The following NIPA1 variants were observed in gnomAD, a reference collection of about 807,000 sequenced individuals.
NIPA1 encodes NIPA magnesium transporter 1, also known as magnesium transporter NIPA1.
In NIPA1, 13 loss-of-function variants were observed where a neutral mutation model predicts 23.9. The observed-to-expected ratio is 0.54, with a 90% confidence interval of 0.35 to 0.87. The LOEUF is 0.87. Ranked by LOEUF, NIPA1 falls within the 40% of genes least tolerant of loss-of-function variation. The pLI is 0.01. For synonymous variants in NIPA1, 234 were observed against 202.9 expected (o/e 1.15, Z -1.30); for missense variants, 362 against 429.7 (o/e 0.84, Z 1.39).
intron 1 of NIPA1, among the ~76,000 whole-genome samples, chr15:22,807,232 C>A (rs569283986): frequency 1.4e-4 from 22 of 152,252 alleles, no homozygotes; most frequent in Non-Finnish European, 2.6e-4. Flanking sequence ...ATTTTATAAA[C>A]TGCCAAAAAC....
chr15:22,827,555 T>C lies in NIPA1; in HGVS notation c.*3316T>C, dbSNP rs527532188. On this transcript the variant is annotated 3_prime_UTR_variant, in exon 5 of 5. Transcript: ENST00000337435. ...AGTGAATATACTTCGCAGCTCTTTG[T>C]TCAGCAATAAGGAATATTCTTTCAA... The C allele has an allele frequency of 5.9e-5, 9 of 152,314 alleles. No homozygotes were observed. Among genetic ancestry groups the C allele is most frequent in the Non-Finnish European group, 1.3e-4 (9 of 68,024 alleles). The allele number at this position is 152,314 out of a possible 1,614,324, so 9.4% of individuals were successfully genotyped here.
In NIPA1 at chr15:22,826,254, G is replaced by C. The variant is rs886051000; in HGVS notation, c.*2015G>C. 4.0e-5 allele frequency: 6 copies of C among 150,186 alleles called. No homozygotes were observed. Among genetic ancestry groups the C allele is most frequent in the Non-Finnish European group, 8.9e-5 (6 of 67,640 alleles). The allele number at this position is 150,186 out of a possible 1,614,324, so 9.3% of individuals were successfully genotyped here. ...ATGGGTTGTCAGTGATTTGTGAACTGAGAGCAGCAACAACATTATTTTTTA... is the reference window on the plus strand; with the variant it reads ...ATGGGTTGTCAGTGATTTGTGAACTCAGAGCAGCAACAACATTATTTTTTA... On this transcript the variant is annotated 3_prime_UTR_variant, in exon 5 of 5. Coordinates refer to ENST00000337435, the MANE Select transcript of NIPA1 (RefSeq NM_144599.5).
At chr15:22,787,584 C>T (rs1315745732) in intron 1 of NIPA1, among the ~76,000 whole-genome samples, 1 of 152,198 alleles carries the variant, frequency 6.6e-6, no homozygotes, top group Admixed American at 6.5e-5. Flanking sequence ...GGGTAGAGCT[C>T]TCTGTCAGTG....
chr15:22,809,743 T>TG (rs1481440379), intron 1 of NIPA1, among the ~76,000 whole-genome samples: 41 of 99,962 alleles, frequency 4.1e-4, no homozygotes, highest in African/African-American at 1.9e-3. Flanking sequence ...AGACTCTGTC[T>TG]GAAAAAAAAA....
chr15:22,817,465 C>T (rs1395408150), intron 3 of NIPA1, among the ~76,000 whole-genome samples: 1 of 147,372 alleles, frequency 6.8e-6, no homozygotes, highest in Non-Finnish European at 1.5e-5. Flanking sequence ...GGCCATTGCA[C>T]TCCAGCCTGG....
chr15:22,801,061 T>G, intron 1 of NIPA1, among the ~76,000 whole-genome samples: 1 of 132,144 alleles, frequency 7.6e-6, no homozygotes, highest in African/African-American at 3.0e-5. Context: ...GTGACAAGAG[T>G]AAAACTCCAG....
intron 1 of NIPA1, among the ~76,000 whole-genome samples, chr15:22,802,486 C>A (rs764155280): frequency 6.6e-6 from 1 of 151,454 alleles, no homozygotes; most frequent in African/African-American, 2.4e-5. Context: ...CATGAGTGCA[C>A]GAATAAGTGT....
rs1206327395 is a variant in NIPA1, at chr15:22,798,835, C to CAAAAAAA, written c.179-11893_179-11887dup. ...TGGGCGACAGAGCGAGACTCCGTCTCAAAAAAAAAAAAAAAAAAAAAAAAA... is the reference window on the plus strand; with the variant it reads ...TGGGCGACAGAGCGAGACTCCGTCTCAAAAAAAAAAAAAAAAAAAAAAAAAAAAAAAA... On this transcript the variant is annotated intron_variant, in intron 1 of 4. Coordinates refer to ENST00000337435, the MANE Select transcript of NIPA1 (RefSeq NM_144599.5). 4.1e-5 allele frequency among the ~76,000 whole-genome samples: 3 copies of CAAAAAAA among 73,108 alleles called. 1 individual carries two copies. The highest frequency in any genetic ancestry group is 1.2e-4 in the African/African-American group (2 of 16,836). The allele number at this position is 73,108 out of a possible 152,430, so 48.0% of individuals were successfully genotyped here.
At chr15:22,817,698 G>C (rs1022880751) in intron 3 of NIPA1, among the ~76,000 whole-genome samples, 2 of 151,754 alleles carry the variant, frequency 1.3e-5, no homozygotes, top group South Asian at 2.1e-4. Context: ...CCAGCTACTC[G>C]GGAGGCTGAG....
At chr15:22,793,904 T>C (rs1218987743) in intron 1 of NIPA1, among the ~76,000 whole-genome samples, 1 of 152,170 alleles carries the variant, frequency 6.6e-6, no homozygotes, top group Non-Finnish European at 1.5e-5. Flanking sequence ...TTCTGGGTTC[T>C]TTATTCTGTC....
intron 2 of NIPA1, among the ~76,000 whole-genome samples, chr15:22,811,209 A>C (rs1012400429): frequency 1.3e-5 from 2 of 152,238 alleles, no homozygotes; most frequent in Non-Finnish European, 1.5e-5. Flanking sequence ...AGAGAATTTC[A>C]TGAGTCAAAG....
At chr15:22,822,658 G>A (rs947439179) in intron 4 of NIPA1, among the ~76,000 whole-genome samples, 6 of 151,996 alleles carry the variant, frequency 3.9e-5, no homozygotes, top group African/African-American at 2.4e-5. Flanking sequence ...GCGAAACCCC[G>A]TCTCTGCTAA....
chr15:22,806,940 G>C (rs1358099275), intron 1 of NIPA1, among the ~76,000 whole-genome samples: 1 of 152,128 alleles, frequency 6.6e-6, no homozygotes, highest in East Asian at 1.9e-4. Context: ...TTGTTTATGG[G>C]TAGGGGTATG....
In NIPA1 at chr15:22,786,832, G is replaced by A. The variant is rs868438054; in HGVS notation, c.176G>A (p.Arg59Gln). The A allele has an allele frequency of 8.3e-7, 1 of 1,205,256 alleles. No homozygotes were observed. Among genetic ancestry groups the A allele is most frequent in the South Asian group, 2.0e-5 (1 of 50,732 alleles). The allele number at this position is 1,205,256 out of a possible 1,614,324, so 74.7% of individuals were successfully genotyped here. A position where few individuals can be genotyped will look rare whatever the true frequency, so the allele number is the denominator to read the frequency against. Residue 59 changes from arginine (R) to glutamine (Q), a missense_variant and splice_region_variant, in exon 1 of 5, where the codon CGA (arginine) becomes CAA (glutamine). By Grantham distance (43) the Arg-to-Gln change is conservative (BLOSUM62 1). Transcript: ENST00000337435. ...AAGGGCATCGTGCGTGCCAAGCGGCGAGGTAGGGCGGGCGGCAGGCGGCAG... is the reference window on the plus strand; with the variant it reads ...AAGGGCATCGTGCGTGCCAAGCGGCAAGGTAGGGCGGGCGGCAGGCGGCAG... ...QKKGIVRAKR[R>Q]GTSYLTDIVW...
chr15:22,817,591 A>C (rs1243563888), intron 3 of NIPA1, among the ~76,000 whole-genome samples: 2 of 151,096 alleles, frequency 1.3e-5, no homozygotes, highest in African/African-American at 4.9e-5. Flanking sequence ...TCACGAGGTC[A>C]GGAGATCAAG....
At chr15:22,792,359 C>CT (rs1194448478) in intron 1 of NIPA1, among the ~76,000 whole-genome samples, 39 of 118,080 alleles carry the variant, frequency 3.3e-4, no homozygotes, top group South Asian at 8.8e-4. Context: ...TTGTTGGAGG[C>CT]TTTTTTCTTT....
chr15:22,812,592 G>A (rs1473525833), intron 3 of NIPA1, among the ~76,000 whole-genome samples: 1 of 151,800 alleles, frequency 6.6e-6, no homozygotes, highest in Non-Finnish European at 1.5e-5. Context: ...GGCAGAGGTT[G>A]CAGTGAGTTG....
chr15:22,801,369 C>T (rs1895074822), intron 1 of NIPA1, among the ~76,000 whole-genome samples: 1 of 151,964 alleles, frequency 6.6e-6, no homozygotes, highest in Non-Finnish European at 1.5e-5. Context: ...AAGGAGTCGG[C>T]CAGCTTGGCT....
At position 22,828,315 on chromosome 15, in the gene NIPA1, A is replaced by G. The variant is rs1007717478; in HGVS notation, c.*4076A>G. On this transcript the variant is annotated 3_prime_UTR_variant, in exon 5 of 5. Coordinates refer to ENST00000337435, the MANE Select transcript of NIPA1 (RefSeq NM_144599.5). ...AATGTGAGTTGGAAAGAAAAGACCA[A>G]TTTGTACACCAGTCACACCACAAGA... 6.6e-6 allele frequency: 1 copy of G among 152,616 alleles called. No individual in the cohort carries two copies. The highest frequency in any genetic ancestry group is 1.9e-4 in the East Asian group (1 of 5,192). The allele number at this position is 152,616 out of a possible 1,614,324, so 9.5% of individuals were successfully genotyped here.
Sources: allele counts gnomAD v4.1 joint callset (sites outside exome capture counted in the v4.1 genomes callset), GRCh38; gene constraint gnomAD v4.1.1; transcripts MANE v1.5; gene names NCBI Gene and HGNC (gene_info 2026-07-23, HGNC 2026-07-21).